The following ADAMTSL3 variants were observed in gnomAD, a reference collection of about 807,000 sequenced individuals.
ADAMTSL3 encodes the protein ADAMTS-like protein 3.
ADAMTSL3 carries 128 observed loss-of-function variants against 201.7 expected under a neutral mutation model. That is an observed-to-expected ratio of 0.63 (90% CI 0.55 to 0.73). ADAMTSL3 has a LOEUF of 0.73. Ranked by LOEUF, ADAMTSL3 falls within the 30% of genes least tolerant of loss-of-function variation. The pLI is 0.00. For synonymous variants in ADAMTSL3, 738 were observed against 748.4 expected, an observed-to-expected ratio of 0.99 and a Z score of 0.23; for missense variants, 1,990 against 2,119.6, an observed-to-expected ratio of 0.94 and a Z score of 1.20.
At chr15:83,931,207 T>G (rs2066349587) in intron 17 of ADAMTSL3, among the ~76,000 whole-genome samples, 1 of 152,212 alleles carries the variant, frequency 6.6e-6, no homozygotes, top group African/African-American at 2.4e-5. Flanking sequence ...GATTCAACAC[T>G]GCTAGGGAAG....
At chr15:83,826,359 G>A (rs185592401) in intron 6 of ADAMTSL3, among the ~76,000 whole-genome samples, 76 of 151,694 alleles carry the variant, frequency 5.0e-4, no homozygotes, top group Non-Finnish European at 2.5e-4. Context: ...CTGGCTTCAA[G>A]CAACTTTCCT....
Position 84,007,534 on chromosome 15 carries a change from C to G in ADAMTSL3, c.3974-7008C>G, listed in dbSNP as rs182941886. Among the ~76,000 whole-genome samples, 3 of 149,676 alleles carry G rather than the reference C, an allele frequency of 2.0e-5. No homozygotes were observed. The East Asian group carries it at 5.8e-4, about 29-fold the overall frequency. On this transcript the variant is annotated intron_variant, in intron 23 of 29. Transcript: ENST00000286744. ...CATGCCTGTGCATAGCCACTGCACTCCAGCCCAGTGAGACCCCATCACTAA... is the reference window on the plus strand; with the variant it reads ...CATGCCTGTGCATAGCCACTGCACTGCAGCCCAGTGAGACCCCATCACTAA...
chr15:83,708,503 G>T (rs557641109), intron 3 of ADAMTSL3, among the ~76,000 whole-genome samples: 3 of 152,146 alleles, frequency 2.0e-5, no homozygotes, highest in South Asian at 4.1e-4. Flanking sequence ...ACGGAGGGCC[G>T]CGGCAGCTTC....
At chr15:83,663,022 C>T (rs946049457) in intron 2 of ADAMTSL3, among the ~76,000 whole-genome samples, 1 of 152,152 alleles carries the variant, frequency 6.6e-6, no homozygotes, top group Admixed American at 6.5e-5. Flanking sequence ...GGGGTCTTCT[C>T]ACCTAGCAGG....
intron 23 of ADAMTSL3, among the ~76,000 whole-genome samples, chr15:83,997,263 A>G (rs954199584): frequency 6.6e-6 from 1 of 152,242 alleles, no homozygotes; most frequent in Non-Finnish European, 1.5e-5. Flanking sequence ...ATAGAACTTT[A>G]GCTCTAGCTG....
At chr15:83,813,067 A>G (rs1450796676) in intron 5 of ADAMTSL3, among the ~76,000 whole-genome samples, 2 of 152,264 alleles carry the variant, frequency 1.3e-5, no homozygotes, top group East Asian at 1.9e-4. Context: ...AGACAGCAGT[A>G]GCTAAAGCAT....
chr15:83,751,962 C>T (rs994451199), intron 3 of ADAMTSL3, among the ~76,000 whole-genome samples: 21 of 152,284 alleles, frequency 1.4e-4, no homozygotes, highest in African/African-American at 4.3e-4. Flanking sequence ...GATTCTGCAT[C>T]ATAACAACAA....
At chr15:83,995,775 T>G (rs928084039) in intron 23 of ADAMTSL3, among the ~76,000 whole-genome samples, 1 of 152,108 alleles carries the variant, frequency 6.6e-6, no homozygotes, top group Admixed American at 6.5e-5. Flanking sequence ...TAGAACAAAC[T>G]GATCCTATAA....
chr15:83,795,160 C>T (rs2063404729), intron 4 of ADAMTSL3, among the ~76,000 whole-genome samples: 1 of 151,972 alleles, frequency 6.6e-6, no homozygotes, highest in Admixed American at 6.6e-5. Context: ...AGCCGATCTA[C>T]ATTTATTTTA....
chr15:83,720,031 C>A (rs1340693913), intron 3 of ADAMTSL3, among the ~76,000 whole-genome samples: 1 of 152,104 alleles, frequency 6.6e-6, no homozygotes, highest in Non-Finnish European at 1.5e-5. Context: ...ACCAGACTGA[C>A]CAACATGGCA....
chr15:83,786,604 T>G (rs2063267730), intron 4 of ADAMTSL3, among the ~76,000 whole-genome samples: 1 of 152,232 alleles, frequency 6.6e-6, no homozygotes, highest in Non-Finnish European at 1.5e-5. Flanking sequence ...AATACTGCTA[T>G]GGCATTATTT....
chr15:83,779,648 A>G (rs1356250847), intron 4 of ADAMTSL3, among the ~76,000 whole-genome samples: 1 of 145,550 alleles, frequency 6.9e-6, no homozygotes, highest in African/African-American at 2.5e-5. Context: ...CAGTGAGCCG[A>G]GATCGCAACA....
At chr15:83,698,021 A>T (rs954806937) in intron 2 of ADAMTSL3, among the ~76,000 whole-genome samples, 3 of 152,048 alleles carry the variant, frequency 2.0e-5, no homozygotes, top group Non-Finnish European at 4.4e-5. Flanking sequence ...TGCCCCTGTC[A>T]CTCAGGAAAT....
At chr15:83,673,667 G>A (rs911776733) in intron 2 of ADAMTSL3, among the ~76,000 whole-genome samples, 9 of 152,182 alleles carry the variant, frequency 5.9e-5, no homozygotes, top group African/African-American at 2.2e-4. Flanking sequence ...CACATGGCAC[G>A]CAGGACATAG....
intron 2 of ADAMTSL3, among the ~76,000 whole-genome samples, chr15:83,687,366 T>C (rs1380697690): frequency 6.6e-6 from 1 of 152,230 alleles, no homozygotes; most frequent in Non-Finnish European, 1.5e-5. Context: ...ACTAAGTCTT[T>C]TGAAATCAAG....
rs1468719677 is a variant in ADAMTSL3 at position 84,038,137 on chromosome 15, T to G, written c.*331T>G. 3.7e-6 allele frequency: 1 copy of G among 267,664 alleles called. No individual in the cohort carries two copies. The highest frequency in any genetic ancestry group is 7.9e-5 in the East Asian group (1 of 12,696). The allele number at this position is 267,664 out of a possible 1,614,324, so 16.6% of individuals were successfully genotyped here. A position where few individuals can be genotyped will look rare whatever the true frequency, so the allele number is the denominator to read the frequency against. ...CACGTGCTGCCTCTTTCCTGTGATA[T>G]GTAGACTAGCACAGAGTGGTACATC... On this transcript the variant is annotated 3_prime_UTR_variant, in exon 30 of 30. Transcript: ENST00000286744.
intron 25 of ADAMTSL3, among the ~76,000 whole-genome samples, chr15:84,017,279 G>A (rs573060283): frequency 3.9e-5 from 6 of 152,062 alleles, no homozygotes; most frequent in South Asian, 2.1e-4. Context: ...CACCACGCCC[G>A]GCTAATTTTT....
chr15:83,803,015 C>T (rs901935744), intron 4 of ADAMTSL3, among the ~76,000 whole-genome samples: 1 of 151,848 alleles, frequency 6.6e-6, no homozygotes, highest in Non-Finnish European at 1.5e-5. Context: ...TTTAAAGCTA[C>T]CAAAATAATG....
At chr15:83,830,743 G>A (rs1231515711) in intron 6 of ADAMTSL3, among the ~76,000 whole-genome samples, 1 of 152,184 alleles carries the variant, frequency 6.6e-6, no homozygotes, top group African/African-American at 2.4e-5. Context: ...GTTGGTTCTT[G>A]GCTGGAGGCT....
Sources: allele counts gnomAD v4.1 joint callset (sites outside exome capture counted in the v4.1 genomes callset), GRCh38; gene constraint gnomAD v4.1.1; transcripts MANE v1.5; gene names NCBI Gene and HGNC (gene_info 2026-07-23, HGNC 2026-07-21).